Variants in CCDC73 observed in about 807,000 individuals in gnomAD.
CCDC73 encodes coiled-coil domain-containing protein 73.
Under a neutral mutation model 116.5 loss-of-function variants are expected in CCDC73, and 95 were observed. The observed-to-expected ratio is 0.82, with a 90% CI of 0.69 to 0.97. CCDC73 has a LOEUF of 0.97. Among genes scored for constraint, CCDC73 ranks in the 50% least tolerant of loss-of-function variants. The probability of loss-of-function intolerance (pLI) is 0.00; values close to 1 mark genes in which losing one functional copy is unlikely to be tolerated. For missense variants in CCDC73, 1,066 were observed against 1,206.8 expected (o/e 0.88, Z 1.73); for synonymous variants, 398 against 401.3 (o/e 0.99, Z 0.10).
intron 2 of CCDC73, among the ~76,000 whole-genome samples, chr11:32,732,830 A>G (rs1387713835): frequency 6.6e-6 from 1 of 152,198 alleles, no homozygotes. Flanking sequence ...AATTGTAAAG[A>G]CCCTCGATGC....
chr11:32,728,074 A>G (rs1211896014), intron 2 of CCDC73, among the ~76,000 whole-genome samples: 1 of 151,926 alleles, frequency 6.6e-6, no homozygotes, highest in Non-Finnish European at 1.5e-5. Flanking sequence ...CCACATAAGG[A>G]GACCTCATCT....
At chr11:32,651,513 G>A (rs554840207) in intron 12 of CCDC73, among the ~76,000 whole-genome samples, 16 of 152,310 alleles carry the variant, frequency 1.1e-4, no homozygotes, top group African/African-American at 3.4e-4. Flanking sequence ...GGAGTAGGAG[G>A]CAAAGCAGGA....
At chr11:32,656,659 T>C (rs1359281913) in intron 9 of CCDC73, among the ~76,000 whole-genome samples, 2 of 152,210 alleles carry the variant, frequency 1.3e-5, no homozygotes, top group Admixed American at 6.5e-5. Context: ...ATATACAGTA[T>C]TCAAAAGTGG....
At chr11:32,624,501 C>T (rs1033409559) in intron 14 of CCDC73, among the ~76,000 whole-genome samples, 13 of 152,080 alleles carry the variant, frequency 8.5e-5, no homozygotes, top group Admixed American at 5.2e-4. Context: ...AATTATGGCA[C>T]GTCCTAGTCA....
intron 6 of CCDC73, among the ~76,000 whole-genome samples, chr11:32,695,774 TAA>T (rs59419534): frequency 1.2e-4 from 15 of 129,464 alleles, no homozygotes; most frequent in Admixed American, 2.3e-4. Context: ...AGTTTGGTTG[TAA>T]AAAAAAAAAA....
At chr11:32,817,253 A>C in the CCDC73 span, among the ~76,000 whole-genome samples, 1 of 152,232 alleles carries the variant, frequency 6.6e-6, no homozygotes, top group Non-Finnish European at 1.5e-5. Context: ...TAAAATGGCA[A>C]TGCAATGAAC....
At chr11:32,732,374 C>T (rs1431876745) in intron 2 of CCDC73, among the ~76,000 whole-genome samples, 1 of 152,140 alleles carries the variant, frequency 6.6e-6, no homozygotes, top group African/African-American at 2.4e-5. Flanking sequence ...ACTTCCCCAA[C>T]CTACCAAGGC....
intron 6 of CCDC73, among the ~76,000 whole-genome samples, chr11:32,695,715 T>C (rs1038721093): frequency 6.7e-6 from 1 of 149,244 alleles, no homozygotes; most frequent in African/African-American, 2.5e-5. Context: ...GGCTTCAGTT[T>C]AAAAATTTTC....
intron 17 of CCDC73, chr11:32,606,002 TCA>T (rs1238790395): frequency 1.6e-5 from 2 of 122,788 alleles, no homozygotes; most frequent in African/African-American, 3.0e-5. Flanking sequence ...TGAATCTAAT[TCA>T]TTGGATATAT....
At chr11:32,691,823 C>T (rs972360775) in intron 6 of CCDC73, among the ~76,000 whole-genome samples, 22 of 151,908 alleles carry the variant, frequency 1.4e-4, no homozygotes, top group African/African-American at 4.6e-4. Context: ...CCGAGGTGGG[C>T]GGATCACGAG....
chr11:32,793,538 C>T (rs1216461527), intron 1 of CCDC73, among the ~76,000 whole-genome samples: 1 of 152,164 alleles, frequency 6.6e-6, no homozygotes, highest in East Asian at 1.9e-4. Context: ...CCATAAATGA[C>T]TTAAGGGTTG....
intron 6 of CCDC73, among the ~76,000 whole-genome samples, chr11:32,695,770 G>T (rs1590599170): frequency 9.4e-6 from 1 of 106,308 alleles, no homozygotes. Flanking sequence ...TTTTAGTTTG[G>T]TTGTAAAAAA....
intron 1 of CCDC73, among the ~76,000 whole-genome samples, chr11:32,791,020 C>T (rs1047384765): frequency 1.5e-4 from 23 of 152,100 alleles, no homozygotes; most frequent in African/African-American, 5.1e-4. Flanking sequence ...AAAGTTGAAT[C>T]CAACACAGCT....
At chr11:32,615,488 G>A (rs1449688670) in intron 15 of CCDC73, among the ~76,000 whole-genome samples, 4 of 152,004 alleles carry the variant, frequency 2.6e-5, no homozygotes, top group African/African-American at 9.7e-5. Context: ...ACTTAATCAA[G>A]ACATTAATTT....
chr11:32,823,701 C>T, the CCDC73 span, among the ~76,000 whole-genome samples: 8 of 150,762 alleles, frequency 5.3e-5, no homozygotes, highest in East Asian at 1.9e-4. Context: ...GGAATCAAAT[C>T]GAATTATCAC....
the CCDC73 span, among the ~76,000 whole-genome samples, chr11:32,801,330 C>T: frequency 1.3e-5 from 2 of 152,292 alleles, no homozygotes; most frequent in East Asian, 3.9e-4. Flanking sequence ...CCCCAATCCA[C>T]ATGGTGGGTA....
In CCDC73 at chr11:32,731,330, AG is replaced by A. The variant is rs570724757; in HGVS notation, c.136-13184del. ...TTCATGGAGGCCTGCCTGCCTCTGT[AG>A]ACTCCACCTCTGGGGGCAGGGCATA... On this transcript the variant is annotated intron_variant, in intron 2 of 17. Coordinates refer to ENST00000335185, the MANE Select transcript of CCDC73 (RefSeq NM_001008391.4). Among the ~76,000 whole-genome samples the A allele has an allele frequency of 1.4e-4, 22 of 152,312 alleles. No homozygotes were observed. In the South Asian group the frequency reaches 4.1e-3, roughly 29 times the overall value.
chr11:32,767,950 G>A (rs543059994), intron 1 of CCDC73, among the ~76,000 whole-genome samples: 4 of 152,192 alleles, frequency 2.6e-5, no homozygotes, highest in Non-Finnish European at 5.9e-5. Flanking sequence ...AATACCATTT[G>A]ACCCAGCCAT....
chr11:32,776,936 A>AAATATATAT (rs1341535562), intron 1 of CCDC73, among the ~76,000 whole-genome samples: 1 of 36,464 alleles, frequency 2.7e-5, no homozygotes, highest in South Asian at 7.1e-4. Context: ...AAAAAAAAAA[A>AAATATATAT]ATATATATAT....
Sources: gnomAD v4.1 joint callset for allele counts (sites outside exome capture counted in the v4.1 genomes callset) on GRCh38, gnomAD v4.1.1 for gene constraint, MANE v1.5 for transcripts, NCBI Gene and HGNC (gene_info 2026-07-23, HGNC 2026-07-21) for gene names.